Variants in RASGRP1 observed in about 807,000 individuals in gnomAD.
RASGRP1 encodes the protein RAS guanyl releasing protein 1, also known as RAS guanyl-releasing protein 1.
A neutral mutation model predicts 95.1 loss-of-function variants in RASGRP1; 37 were observed. The ratio of observed to expected loss-of-function variants is 0.39; its 90% CI spans 0.30 to 0.51. The LOEUF (loss-of-function observed/expected upper bound fraction) is 0.51, where lower values mean the gene tolerates loss of function less well. RASGRP1 is among the 20% of genes least tolerant of loss of function. RASGRP1 has a pLI of 0.80. For missense variants in RASGRP1, 711 were observed against 965.4 expected (o/e 0.74, Z 3.49); for synonymous variants, 325 against 353.4 (o/e 0.92, Z 0.90).
intron 3 of RASGRP1, among the ~76,000 whole-genome samples, chr15:38,524,597 C>T (rs1023255509): frequency 2.0e-5 from 3 of 152,132 alleles, no homozygotes; most frequent in African/African-American, 4.8e-5. Context: ...TTACTGGTGA[C>T]ATCAGAGGAA....
chr15:38,547,974 G>GT (rs773651084), intron 2 of RASGRP1, among the ~76,000 whole-genome samples: 11,022 of 136,452 alleles, frequency 0.081, 1,032 homozygotes, highest in African/African-American at 0.23. Context: ...AAGTTTCCAG[G>GT]TTTTTTTTTT....
chr15:38,542,193 TCAAA>T (rs1239720884), intron 2 of RASGRP1, among the ~76,000 whole-genome samples: 2 of 152,082 alleles, frequency 1.3e-5, no homozygotes, highest in African/African-American at 2.4e-5. Flanking sequence ...AGGCCCTGTC[TCAAA>T]CAAACAACAC....
At chr15:38,512,692 A>T (rs1595842852) in intron 7 of RASGRP1, 91 bp downstream of exon 7, 1 of 1,505,666 alleles carries the variant, frequency 6.6e-7, no homozygotes, top group Admixed American at 1.9e-5. Context: ...GGAGGGAAAA[A>T]ACAGCTCTAA....
chr15:38,542,682 G>T (rs547112139), intron 2 of RASGRP1, among the ~76,000 whole-genome samples: 2 of 151,700 alleles, frequency 1.3e-5, no homozygotes. Context: ...CCTTGATGGG[G>T]CTTGGTTAAT....
In RASGRP1 at chr15:38,488,120, T is replaced by C. The variant is rs1890422988; in HGVS notation, c.*2434A>G. ...CATTTGTGTTGTAGGGATCCTAATG[T>C]CTTTTATCATATAAATATTACACAA... On this transcript the variant is annotated 3_prime_UTR_variant, in exon 17 of 17. Transcript: ENST00000310803. 6.6e-6 allele frequency: 1 copy of C among 152,064 alleles called. No homozygotes were observed. The highest frequency in any genetic ancestry group is 6.5e-5 in the Admixed American group (1 of 15,274). 9.4% of individuals were successfully genotyped at this position (152,064 alleles called of 1,614,324 possible).
chr15:38,546,296 C>T (rs982215238), intron 2 of RASGRP1, among the ~76,000 whole-genome samples: 1 of 152,152 alleles, frequency 6.6e-6, no homozygotes, highest in Non-Finnish European at 1.5e-5. Context: ...TGGCTCACTG[C>T]AACCTCTGCC....
At chr15:38,548,917 T>C (rs2141180722) in intron 2 of RASGRP1, among the ~76,000 whole-genome samples, 1 of 152,318 alleles carries the variant, frequency 6.6e-6, no homozygotes, top group Non-Finnish European at 1.5e-5. Flanking sequence ...TCTTAGGCAC[T>C]GGGACAGAGA....
chr15:38,551,376 C>T (rs919849815), intron 2 of RASGRP1, among the ~76,000 whole-genome samples: 46 of 152,260 alleles, frequency 3.0e-4, no homozygotes, highest in Admixed American at 7.8e-4. Context: ...CAGCGAGAAA[C>T]GGAGGCTCTG....
rs1436763106 is a variant in RASGRP1, at chr15:38,489,439, A to G, written c.*1115T>C. 6.6e-6 allele frequency: 1 copy of G among 152,548 alleles called. No homozygotes were observed. Among genetic ancestry groups the G allele is most frequent in the East Asian group, 1.9e-4 (1 of 5,192 alleles). The allele number at this position is 152,548 out of a possible 1,614,324, so 9.4% of individuals were successfully genotyped here. On this transcript the variant is annotated 3_prime_UTR_variant, in exon 17 of 17. Transcript: ENST00000310803. ...TTAATCTTGTGACAAACTGAACTTTATATTTGTGACTTTGTATAAATGACT... is the reference window on the plus strand; with the variant it reads ...TTAATCTTGTGACAAACTGAACTTTGTATTTGTGACTTTGTATAAATGACT...
intron 8 of RASGRP1, among the ~76,000 whole-genome samples, chr15:38,510,568 A>T (rs1891466542): frequency 6.6e-6 from 1 of 152,244 alleles, no homozygotes. Flanking sequence ...GCTTGAGTAT[A>T]GTAAGGTCCT....
intron 6 of RASGRP1, among the ~76,000 whole-genome samples, chr15:38,515,778 A>AC (rs572642236): frequency 0.051 from 4,973 of 98,164 alleles, 130 homozygotes; most frequent in African/African-American, 0.1. Context: ...CCGCCCCCGC[A>AC]CCCCCCCCCC....
rs1892226704 is a variant in RASGRP1 at position 38,526,539 on chromosome 15, C to A, written c.221-135G>T. On this transcript the variant is annotated intron_variant, in intron 2 of 16. Coordinates refer to ENST00000310803, the MANE Select transcript of RASGRP1 (RefSeq NM_005739.4). ...TTTTCTTCCACTGCCCCTAGCACAG[C>A]CCCCCTCTGTTTTTCTCATCCTCCT... 4 of 613,246 alleles carry A rather than the reference C, an allele frequency of 6.5e-6. 1 individual carries two copies. The highest frequency in any genetic ancestry group is 1.1e-5 in the Non-Finnish European group (4 of 348,758). The allele number at this position is 613,246 out of a possible 1,614,324, so 38.0% of individuals were successfully genotyped here. A position where few individuals can be genotyped will look rare whatever the true frequency, so the allele number is the denominator to read the frequency against.
chr15:38,515,815 AAG>A (rs1405602583), intron 6 of RASGRP1, among the ~76,000 whole-genome samples: 4 of 146,720 alleles, frequency 2.7e-5, no homozygotes. Context: ...AGATTTTAAA[AAG>A]AGTTGTTGAA....
chr15:38,489,095 T>C lies in RASGRP1; in HGVS notation c.*1459A>G, dbSNP rs1325525627. On this transcript the variant is annotated 3_prime_UTR_variant, in exon 17 of 17. Coordinates refer to ENST00000310803, the MANE Select transcript of RASGRP1 (RefSeq NM_005739.4). ...ACTGTATGTATACTTTGTATTCTTA[T>C]GAAGACTTGGTGCTATTGGCTTTAG... The C allele has an allele frequency of 6.6e-6, 1 of 152,008 alleles. No individual in the cohort carries two copies. Among genetic ancestry groups the C allele is most frequent in the African/African-American group, 2.4e-5 (1 of 41,442 alleles). The allele number at this position is 152,008 out of a possible 1,614,324, so 9.4% of individuals were successfully genotyped here. A position where few individuals can be genotyped will look rare whatever the true frequency, so the allele number is the denominator to read the frequency against.
intron 3 of RASGRP1, among the ~76,000 whole-genome samples, chr15:38,524,876 C>T (rs934550653): frequency 1.3e-5 from 2 of 151,418 alleles, no homozygotes; most frequent in African/African-American, 2.4e-5. Flanking sequence ...GTGAGAAGTA[C>T]GAGGGACCAT....
rs1890441963 is a variant in RASGRP1 at position 38,488,477 on chromosome 15, C to T, written c.*2077G>A. ...TACTATTAACTTGTATACTATACCT[C>T]TTTGGCCCTTGCTGGACTGTAAAAA... On this transcript the variant is annotated 3_prime_UTR_variant, in exon 17 of 17. Transcript: ENST00000310803. 2 of 151,298 alleles carry T rather than the reference C, an allele frequency of 1.3e-5. No individual in the cohort carries two copies. The highest frequency in any genetic ancestry group is 1.3e-4 in the Admixed American group (2 of 15,206). 9.4% of individuals were successfully genotyped at this position (151,298 alleles called of 1,614,324 possible).
chr15:38,499,131 T>A, intron 14 of RASGRP1, 185 bp from the exon 15 acceptor site: 1 of 801,810 alleles, frequency 1.2e-6, no homozygotes, highest in Non-Finnish European at 2.2e-6. Context: ...GAGCTCACAC[T>A]CTTGATGTAG....
intron 13 of RASGRP1, 121 bp from the exon 14 acceptor site, chr15:38,500,260 T>G (rs1890959907): frequency 1.1e-6 from 1 of 932,606 alleles, no homozygotes; most frequent in African/African-American, 1.6e-5. Flanking sequence ...GGAAACCTCA[T>G]TTATCTCTCA....
rs532161658 is a variant in RASGRP1, at chr15:38,530,915, A to C, written c.221-4511T>G. 2.0e-5 allele frequency among the ~76,000 whole-genome samples: 3 copies of C among 152,360 alleles called. No individual in the cohort carries two copies. In the East Asian group the frequency reaches 5.8e-4, roughly 29 times the overall value. Reference sequence around the variant, plus strand: ...CTTGTTCTATGGGGCCACAAAAGGCAGCACCAGAGTAGATGGATAGAAATT... The same window carrying C: ...CTTGTTCTATGGGGCCACAAAAGGCCGCACCAGAGTAGATGGATAGAAATT... On this transcript the variant is annotated intron_variant, in intron 2 of 16. Transcript: ENST00000310803.
Sources: gnomAD v4.1 joint callset for allele counts (sites outside exome capture counted in the v4.1 genomes callset) on GRCh38, gnomAD v4.1.1 for gene constraint, MANE v1.5 for transcripts, NCBI Gene and HGNC (gene_info 2026-07-23, HGNC 2026-07-21) for gene names.